Variants in CTDSP1 observed in about 807,000 individuals in gnomAD.
The protein encoded by CTDSP1 is CTD small phosphatase 1, also known as carboxy-terminal domain RNA polymerase II polypeptide A small phosphatase 1.
Under a neutral mutation model 32.5 loss-of-function variants are expected in CTDSP1, and 15 were observed. The observed-to-expected ratio is 0.46, with a 90% confidence interval of 0.31 to 0.71. CTDSP1 has a LOEUF of 0.71. Ranked by LOEUF, CTDSP1 falls within the 30% of genes least tolerant of loss-of-function variation. The pLI is 0.05. For synonymous variants in CTDSP1, 185 were observed against 145.4 expected (o/e 1.27, Z -1.96); for missense variants, 294 against 351.1 (o/e 0.84, Z 1.30).
chr2:218,405,398 C>CA lies in CTDSP1; in HGVS notation c.*980dup, dbSNP rs973770187. On this transcript the variant is annotated 3_prime_UTR_variant, in exon 7 of 7. Transcript: ENST00000273062. ...CACCCCTTTGCTCCGTTCATTCATT[C>CA]AAAAAAACATTTCTTGAGCACCTTC... 12 of 152,642 alleles carry CA rather than the reference C, an allele frequency of 7.9e-5. No individual in the cohort carries two copies. In the East Asian group the frequency reaches 1.7e-3, roughly 21 times the overall value. The allele number at this position is 152,642 out of a possible 1,614,324, so 9.5% of individuals were successfully genotyped here. A position where few individuals can be genotyped will look rare whatever the true frequency, so the allele number is the denominator to read the frequency against.
chr2:218,400,398 G>A, intron 1 of CTDSP1: 1 of 582,202 alleles, frequency 1.7e-6, no homozygotes, highest in Non-Finnish European at 3.0e-6. Flanking sequence ...ACTGAGGCAG[G>A]AATAGAGAGG....
chr2:218,399,856 G>A (rs1050433860), upstream of CTDSP1: 10 of 1,237,010 alleles, frequency 8.1e-6, no homozygotes, highest in African/African-American at 1.1e-4. Context: ...ACGGCGCCTG[G>A]GTTCCATGTT....
intron 6 of CTDSP1, 22 bp from the exon 7 acceptor site, chr2:218,404,275 C>G: frequency 6.2e-7 from 1 of 1,611,314 alleles, no homozygotes; most frequent in African/African-American, 1.3e-5. Context: ...CCCCCCTCAT[C>G]TTCCTACACC....
Position 218,403,355 on chromosome 2 carries a change from C to T in CTDSP1, c.595C>T (p.Leu199=), listed in dbSNP as rs761822791. The T allele has an allele frequency of 1.1e-5, 17 of 1,613,606 alleles. No homozygotes were observed. The Admixed American group carries it at 1.2e-4, about 11-fold the overall frequency. The change falls in exon 6 of 7, where the codon CTG becomes TTG. Residue 199 remains leucine, a synonymous_variant. Coordinates refer to ENST00000273062, the MANE Select transcript of CTDSP1 (RefSeq NM_021198.3). ...GGACCTGAGCCGGTTGGGTCGAGAC[C>T]TGCGGCGGGTGCTCATCCTGGACAA... ...VKDLSRLGRD[L]RRVLILDNSP...
intron 1 of CTDSP1, chr2:218,401,045 G>GGC (rs1697110290): frequency 4.8e-5 from 20 of 418,674 alleles, no homozygotes; most frequent in South Asian, 2.9e-4. Context: ...GGCGGGGCAG[G>GGC]GCAAACAGAT....
chr2:218,398,248 G>C (rs938319697), upstream of CTDSP1: 4 of 664,122 alleles, frequency 6.0e-6, no homozygotes, highest in East Asian at 6.4e-5. Flanking sequence ...TGCCCTTGCC[G>C]GTAGACCCGA....
At chr2:218,396,578 C>A (rs955696033), upstream of CTDSP1, 1 of 152,432 alleles carries the variant, frequency 6.6e-6, no homozygotes, top group Admixed American at 6.5e-5. Context: ...GCGAGTGGGT[C>A]CCTCAAGGAG....
At position 218,403,291 on chromosome 2, in the gene CTDSP1, T is replaced by C. The variant is rs1300089984; in HGVS notation, c.531T>C (p.Phe177=). The C allele has an allele frequency of 1.1e-5, 17 of 1,613,996 alleles. No individual in the cohort carries two copies. The highest frequency in any genetic ancestry group is 6.7e-5 in the Admixed American group (4 of 60,004). The change falls in exon 6 of 7, where the codon TTT becomes TTC. Residue 177 remains phenylalanine (F), a synonymous_variant. Coordinates refer to ENST00000273062, the MANE Select transcript of CTDSP1 (RefSeq NM_021198.3). ...GGGGGGCCTTCCGGGCCCGGCTGTT[T>C]CGAGAGTCCTGCGTCTTCCACCGGG... ...DKWGAFRARL[F]RESCVFHRGN...
chr2:218,397,374 T>C (rs972531484), upstream of CTDSP1, among the ~76,000 whole-genome samples: 1 of 152,156 alleles, frequency 6.6e-6, no homozygotes, highest in African/African-American at 2.4e-5. Context: ...GTTGCTCTTC[T>C]GGAAGCTCCC....
chr2:218,400,369 G>T (rs999744959), intron 1 of CTDSP1: 2 of 676,280 alleles, frequency 3.0e-6, no homozygotes, highest in Non-Finnish European at 5.3e-6. Flanking sequence ...GGGCGCTCCT[G>T]TTCGCTCGAG....
Position 218,403,430 on chromosome 2 carries a change from TGGACTG to T in CTDSP1, c.657+24_657+29del, listed in dbSNP as rs774705082. On this transcript the variant is annotated intron_variant, in intron 6 of 6. Transcript: ENST00000273062. ...TCCAGACAATGCTGTGAGTGCGGGCTGGACTGGGACTGGGACAGGAGCTGAGACCCA... is the reference window on the plus strand; with the variant it reads ...TCCAGACAATGCTGTGAGTGCGGGCTGGACTGGGACAGGAGCTGAGACCCA... 6.3e-6 allele frequency: 10 copies of T among 1,575,142 alleles called. No homozygotes were observed. The highest frequency in any genetic ancestry group is 1.7e-4 in the Middle Eastern group (1 of 5,918).
upstream of CTDSP1, among the ~76,000 whole-genome samples, chr2:218,397,622 CATG>C (rs1696886121): frequency 6.6e-6 from 1 of 152,170 alleles, no homozygotes; most frequent in South Asian, 2.1e-4. Flanking sequence ...TTGTGGCCCC[CATG>C]ATTTTATTTT....
At chr2:218,404,136 A>C (rs753910579) in intron 6 of CTDSP1, among the ~76,000 whole-genome samples, 161 bp from the exon 7 acceptor site, 5 of 152,220 alleles carry the variant, frequency 3.3e-5, no homozygotes, top group African/African-American at 4.8e-5. Flanking sequence ...GTTACGTTAT[A>C]AATGTGTTTT....
At chr2:218,397,779 T>C (rs1251893029), upstream of CTDSP1, among the ~76,000 whole-genome samples, 2 of 152,134 alleles carry the variant, frequency 1.3e-5, no homozygotes, top group Non-Finnish European at 1.5e-5. Flanking sequence ...AATCCTGGCC[T>C]CTCGCTCACT....
chr2:218,398,357 C>T, upstream of CTDSP1: 1 of 1,483,572 alleles, frequency 6.7e-7, no homozygotes, highest in Non-Finnish European at 9.1e-7. Context: ...GGGGCGCAGC[C>T]AGAGCAGGCC....
In CTDSP1 at chr2:218,399,899, T is replaced by G; in HGVS notation, c.-192T>G. ...GCCTCGCGGGAAGGAAACTCCATGTTGTAACAAAGTTTCCTCCGCGCCCCC... is the reference window on the plus strand; with the variant it reads ...GCCTCGCGGGAAGGAAACTCCATGTGGTAACAAAGTTTCCTCCGCGCCCCC... On this transcript the variant is annotated 5_prime_UTR_variant, in exon 1 of 7. Coordinates refer to ENST00000273062, the MANE Select transcript of CTDSP1 (RefSeq NM_021198.3). The G allele has an allele frequency of 7.9e-7, 1 of 1,263,104 alleles. No individual in the cohort carries two copies. The highest frequency in any genetic ancestry group is 1.0e-6 in the Non-Finnish European group (1 of 1,004,680). The allele number at this position is 1,263,104 out of a possible 1,614,324, so 78.2% of individuals were successfully genotyped here.
chr2:218,400,210 A>G (rs1697041923), intron 1 of CTDSP1, 53 bp downstream of exon 1: 2 of 1,485,722 alleles, frequency 1.3e-6, no homozygotes, highest in Admixed American at 2.2e-5. Flanking sequence ...GGAGGAGAGA[A>G]GGGGCCGGGA....
intron 5 of CTDSP1, 50 bp from the exon 6 acceptor site, chr2:218,403,182 G>A (rs1235580164): frequency 9.3e-6 from 15 of 1,612,656 alleles, no homozygotes; most frequent in African/African-American, 6.7e-5. Context: ...CCTCCCGCAT[G>A]CAGCCCAATG....
chr2:218,400,219 G>C (rs1697042542), intron 1 of CTDSP1, 62 bp downstream of exon 1: 4 of 1,465,842 alleles, frequency 2.7e-6, no homozygotes, highest in Non-Finnish European at 3.7e-6. Flanking sequence ...AAGGGGCCGG[G>C]ATCTTCCCCA....
Sources: gnomAD v4.1 joint callset for allele counts (sites outside exome capture counted in the v4.1 genomes callset) on GRCh38, gnomAD v4.1.1 for gene constraint, MANE v1.5 for transcripts, NCBI Gene and HGNC (gene_info 2026-07-23, HGNC 2026-07-21) for gene names.